GTF3C3: variants seen among roughly 807,000 people sequenced by gnomAD.
The protein encoded by GTF3C3 is general transcription factor 3C polypeptide 3.
In GTF3C3, 75 loss-of-function variants were observed where a neutral mutation model predicts 105.2. The ratio of observed to expected loss-of-function variants is 0.71; its 90% CI spans 0.59 to 0.86. The LOEUF is 0.86. Among genes scored for constraint, GTF3C3 ranks in the 40% least tolerant of loss-of-function variants. The pLI, the probability that GTF3C3 is intolerant of heterozygous loss-of-function variation, is 0.00. For synonymous variants in GTF3C3, 335 were observed against 370.4 expected, an observed-to-expected ratio of 0.90 and a Z score of 1.10; for missense variants, 856 against 1,076.5, an observed-to-expected ratio of 0.80 and a Z score of 2.87.
intron 16 of GTF3C3, among the ~76,000 whole-genome samples, chr2:196,768,243 C>CTGACCTCAAG (rs1192639851): frequency 1.5e-5 from 2 of 134,156 alleles, no homozygotes; most frequent in Non-Finnish European, 3.1e-5. Context: ...TCTCAAACTC[C>CTGACCTCAAG]TGACACCTCA....
chr2:196,777,970 G>T (rs913892527), intron 10 of GTF3C3: 10 of 152,224 alleles, frequency 6.6e-5, no homozygotes, highest in African/African-American at 2.2e-4. Context: ...AGCTTTTTAC[G>T]ATGGTATTAC....
Position 196,766,820 on chromosome 2 carries a change from CCTAT to C in GTF3C3, c.2386-107_2386-104del, listed in dbSNP as rs772480020. On this transcript the variant is annotated intron_variant, in intron 16 of 17. Transcript: ENST00000263956. ...TGAAAATACAAATATTTTTTAAAAA[CCTAT>C]CTATCTGCTTAGTGTCCTATTACTG... The C allele has an allele frequency of 6.1e-5, 49 of 809,840 alleles. No homozygotes were observed. In the South Asian group the frequency reaches 7.7e-4, roughly 13 times the overall value. The allele number at this position is 809,840 out of a possible 1,614,324, so 50.2% of individuals were successfully genotyped here.
Position 196,799,605 on chromosome 2 carries a change from C to T in GTF3C3, c.7G>A (p.Gly3Arg). The T allele has an allele frequency of 6.2e-7, 1 of 1,612,296 alleles. No homozygotes were observed. The highest frequency in any genetic ancestry group is 2.2e-5 in the East Asian group (1 of 44,862). The part of the protein sequence containing the change: MS[G>R]FSPELIDYLE... ...TAGTCGATGAGTTCCGGACTGAACC[C>T]TGACATGTTTACAGGGTCTGTCTGT... Residue 3 changes from glycine (G) to arginine (R), a missense_variant, in exon 1 of 18, where the codon GGG becomes AGG. By Grantham distance (125) the Gly-to-Arg change is moderately radical (BLOSUM62 -2). Transcript: ENST00000263956.
chr2:196,781,349 A>ATATATATATATATATATATATAT (rs1226821935), intron 8 of GTF3C3, among the ~76,000 whole-genome samples: 1 of 22,860 alleles, frequency 4.4e-5, no homozygotes, highest in Non-Finnish European at 1.4e-4. Context: ...GGGGAAAAAA[A>ATATATATATATATATATATATAT]AAAAAAAAAT....
Position 196,771,566 on chromosome 2 carries a change from C to T in GTF3C3, c.2260+182G>A, listed in dbSNP as rs562305061. Among the ~76,000 whole-genome samples the T allele has an allele frequency of 5.3e-5, 8 of 152,312 alleles. No individual in the cohort carries two copies. In the South Asian group the frequency reaches 1.5e-3, roughly 28 times the overall value. On this transcript the variant is annotated intron_variant, in intron 15 of 17. Transcript: ENST00000263956. The stretch of plus-strand genomic sequence containing the variant: ...TTTATATTGATTCATTTAATTTTCA[C>T]AATTATCTACAAAGTAGGTCCAATT...
At chr2:196,774,200 C>T (rs1034187202) in intron 13 of GTF3C3, among the ~76,000 whole-genome samples, 3 of 152,134 alleles carry the variant, frequency 2.0e-5, no homozygotes, top group African/African-American at 7.2e-5. Flanking sequence ...AATTTTCCTT[C>T]TGAGAATCTA....
At chr2:196,785,943 A>G (rs1338861422) in intron 6 of GTF3C3, among the ~76,000 whole-genome samples, 2 of 152,006 alleles carry the variant, frequency 1.3e-5, no homozygotes, top group African/African-American at 4.8e-5. Context: ...TTCCTTCTCC[A>G]TGGCCCAACG....
At position 196,764,570 on chromosome 2, in the gene GTF3C3, GAAC is replaced by G. The variant is rs756301206; in HGVS notation, c.2651_2653del (p.Cys884del). The G allele has an allele frequency of 3.7e-6, 6 of 1,613,666 alleles. No homozygotes were observed. The highest frequency in any genetic ancestry group is 5.1e-6 in the Non-Finnish European group (6 of 1,179,802). On this transcript the variant is annotated inframe_deletion, in exon 18 of 18. Transcript: ENST00000263956. ...GTTCTCAGTTGCGGTGCTTTATATA[GAAC>G]AATAGGTATACAAAAGCGTTTGAGC...
chr2:196,788,307 C>T (rs1699487603), intron 6 of GTF3C3, among the ~76,000 whole-genome samples: 2 of 152,332 alleles, frequency 1.3e-5, no homozygotes, highest in South Asian at 4.1e-4. Flanking sequence ...GAGATGGTTA[C>T]TCCTAGAACA....
intron 4 of GTF3C3, 139 bp from the exon 5 acceptor site, chr2:196,790,209 C>G (rs907266158): frequency 6.6e-5 from 31 of 470,966 alleles, no homozygotes; most frequent in African/African-American, 6.0e-4. Context: ...ATACAAACTG[C>G]TTAAGGCAAG....
At chr2:196,777,610 G>A (rs1302564331) in intron 10 of GTF3C3, 1 of 152,070 alleles carries the variant, frequency 6.6e-6, no homozygotes, top group Non-Finnish European at 1.5e-5. Context: ...CATTAATATG[G>A]ATGGATCATC....
intron 9 of GTF3C3, among the ~76,000 whole-genome samples, chr2:196,779,867 C>T (rs1699317023): frequency 2.0e-5 from 3 of 151,710 alleles, no homozygotes. Context: ...TTTTTGTAGG[C>T]GTAGGGTTTC....
At chr2:196,775,368 A>C in intron 12 of GTF3C3, 117 bp from the exon 13 acceptor site, 1 of 811,830 alleles carries the variant, frequency 1.2e-6, no homozygotes, top group Non-Finnish European at 1.8e-6. Flanking sequence ...TGATCCTCTC[A>C]CCTTAGCCTC....
intron 13 of GTF3C3, among the ~76,000 whole-genome samples, chr2:196,774,175 T>A (rs906929556): frequency 6.6e-6 from 1 of 152,218 alleles, no homozygotes; most frequent in African/African-American, 2.4e-5. Context: ...AAAATTTTAC[T>A]GTCTTTGATC....
At position 196,763,607 on chromosome 2, in the gene GTF3C3, G is replaced by A. The variant is rs1047723632; in HGVS notation, c.*956C>T. On this transcript the variant is annotated 3_prime_UTR_variant, in exon 18 of 18. Coordinates refer to ENST00000263956, the MANE Select transcript of GTF3C3 (RefSeq NM_012086.5). ...TAATAAGTCCCAATTTTATTTCTTTGATCCTAAGCCTCTACTTGTTTCCCT... is the reference window on the plus strand; with the variant it reads ...TAATAAGTCCCAATTTTATTTCTTTAATCCTAAGCCTCTACTTGTTTCCCT... The A allele has an allele frequency of 6.6e-6, 1 of 152,068 alleles. No homozygotes were observed. The highest frequency in any genetic ancestry group is 2.4e-5 in the African/African-American group (1 of 41,408). The allele number at this position is 152,068 out of a possible 1,614,324, so 9.4% of individuals were successfully genotyped here.
intron 9 of GTF3C3, chr2:196,780,279 T>C (rs911772537): frequency 9.7e-7 from 1 of 1,035,150 alleles, no homozygotes; most frequent in Non-Finnish European, 1.2e-6. Context: ...TCAGAATTAT[T>C]ACCAATTATC....
intron 10 of GTF3C3, 129 bp downstream of exon 10, chr2:196,778,767 A>C: frequency 2.6e-6 from 2 of 770,640 alleles, no homozygotes; most frequent in South Asian, 3.2e-5. Flanking sequence ...ACAATTTAAA[A>C]TACTGACTTT....
At chr2:196,784,958 T>A in intron 7 of GTF3C3, 29 bp from the exon 8 acceptor site, 1 of 1,432,736 alleles carries the variant, frequency 7.0e-7, no homozygotes. Context: ...AGAAAGGAAA[T>A]AAAATATGTG....
At position 196,797,753 on chromosome 2, in the gene GTF3C3, A is replaced by G. The variant is rs201161249; in HGVS notation, c.214+44T>C. The G allele has an allele frequency of 5.6e-5, 60 of 1,062,248 alleles. No homozygotes were observed. The Admixed American group carries it at 9.5e-4, about 17-fold the overall frequency. 65.8% of individuals were successfully genotyped at this position (1,062,248 alleles called of 1,614,324 possible). A position where few individuals can be genotyped will look rare whatever the true frequency, so the allele number is the denominator to read the frequency against. On this transcript the variant is annotated intron_variant, in intron 2 of 17. Transcript: ENST00000263956. ...TGTTTCACTAAATTACTTTGCTTAC[A>G]TACTCTAAACATTCATTGCAGGAAG...
Sources: allele counts gnomAD v4.1 joint callset (sites outside exome capture counted in the v4.1 genomes callset), GRCh38; gene constraint gnomAD v4.1.1; transcripts MANE v1.5; gene names NCBI Gene and HGNC (gene_info 2026-07-23, HGNC 2026-07-21).